RRP1: variants seen among roughly 807,000 people sequenced by gnomAD.
RRP1 encodes ribosomal RNA processing 1, also known as ribosomal RNA processing protein 1 homolog A.
Under a neutral mutation model 54.6 loss-of-function variants are expected in RRP1, and 37 were observed. The ratio of observed to expected loss-of-function variants is 0.68; its 90% CI spans 0.52 to 0.89. The LOEUF (loss-of-function observed/expected upper bound fraction) is 0.89, where lower values mean the gene tolerates loss of function less well. Ranked by LOEUF, RRP1 falls within the 40% of genes least tolerant of loss-of-function variation. The pLI is 0.00. For missense variants in RRP1, 639 were observed against 612.5 expected, an observed-to-expected ratio of 1.04 and a Z score of -0.46; for synonymous variants, 262 against 244.3, an observed-to-expected ratio of 1.07 and a Z score of -0.67.
intron 8 of RRP1, among the ~76,000 whole-genome samples, 170 bp from the exon 9 acceptor site, chr21:43,799,400 C>T (rs1371680125): frequency 1.3e-5 from 2 of 151,976 alleles, no homozygotes; most frequent in Non-Finnish European, 2.9e-5. Flanking sequence ...GGCTTTCCCG[C>T]CTGTGCCCAT....
intron 4 of RRP1, among the ~76,000 whole-genome samples, 178 bp from the exon 5 acceptor site, chr21:43,795,011 G>C (rs1481826617): frequency 1.3e-5 from 2 of 152,254 alleles, no homozygotes; most frequent in African/African-American, 2.4e-5. Context: ...TGAGGGCTTG[G>C]TGGTGTGTCC....
At chr21:43,793,495 AACCTGAGGCAGTGCG>A (rs2084982203) in intron 4 of RRP1, 91 bp downstream of exon 4, 5 of 1,107,926 alleles carry the variant, frequency 4.5e-6, no homozygotes, top group South Asian at 1.3e-5. Context: ...GCAGGGAGGC[AACCTGAGGCAGTGCG>A]ACCCTGAAGC....
chr21:43,800,824 G>A (rs560395660), intron 10 of RRP1, 38 bp from the exon 11 acceptor site: 7 of 1,612,662 alleles, frequency 4.3e-6, no homozygotes, highest in East Asian at 2.2e-5. Flanking sequence ...TGCGGAAGCC[G>A]CAGCTGTGGT....
intron 4 of RRP1, 33 bp downstream of exon 4, chr21:43,793,437 G>T (rs1240728177): frequency 1.3e-6 from 2 of 1,585,974 alleles, no homozygotes. Context: ...GGCGGGCGGG[G>T]GCAGCGCGGG....
At position 43,804,205 on chromosome 21, in the gene RRP1, A is replaced by G. The variant is rs2085121965; in HGVS notation, c.*431A>G. 1 of 164,826 alleles carries G rather than the reference A, an allele frequency of 6.1e-6. No individual in the cohort carries two copies. Among genetic ancestry groups the G allele is most frequent in the African/African-American group, 2.4e-5 (1 of 41,878 alleles). 10.2% of individuals were successfully genotyped at this position (164,826 alleles called of 1,614,324 possible). A position where few individuals can be genotyped will look rare whatever the true frequency, so the allele number is the denominator to read the frequency against. ...ATTCATGTTTGTGGAAAAATCTTGC[A>G]AGACATTTCTCCTTTCACAGAACTG... On this transcript the variant is annotated 3_prime_UTR_variant, in exon 13 of 13. Transcript: ENST00000497547. The surrounding 1 kb of genome is among the most constrained non-coding windows in gnomAD (Gnocchi z 4.3).
chr21:43,802,476 C>G lies in RRP1; in HGVS notation c.1123+89C>G, dbSNP rs776686882. 2.9e-6 allele frequency: 3 copies of G among 1,029,144 alleles called. No homozygotes were observed. The South Asian group carries it at 3.9e-5, about 13-fold the overall frequency. 63.8% of individuals were successfully genotyped at this position (1,029,144 alleles called of 1,614,324 possible). ...TGGGGGTCACCTGCAGTGTCTCCCC[C>G]TGAAGCATGAGTGCCGAGTCCCCCA... On this transcript the variant is annotated intron_variant, in intron 12 of 12. Transcript: ENST00000497547.
Position 43,803,962 on chromosome 21 carries a change from C to T in RRP1, c.*188C>T. The T allele has an allele frequency of 1.5e-6, 1 of 680,668 alleles. No homozygotes were observed. 42.2% of individuals were successfully genotyped at this position (680,668 alleles called of 1,614,324 possible). ...CCAGCATCCCAGGAACTGGACCTTT[C>T]CCCAGAGCCTCCGCCTGTGGCTGTG... On this transcript the variant is annotated 3_prime_UTR_variant, in exon 13 of 13. Coordinates refer to ENST00000497547, the MANE Select transcript of RRP1 (RefSeq NM_003683.6).
intron 1 of RRP1, chr21:43,790,739 C>T (rs761444211): frequency 4.8e-5 from 14 of 290,266 alleles, no homozygotes; most frequent in Non-Finnish European, 6.1e-5. Context: ...TGGCACCGTG[C>T]GGCCAGGCCA....
rs779310859 is a variant in RRP1, at chr21:43,791,303, C to G, written c.134-47C>G. ...TTTCTGTGGCTTCCTTTCTGGCACTCGAAGGTGTGGGATTCATTTGGTCCA... is the reference window on the plus strand; with the variant it reads ...TTTCTGTGGCTTCCTTTCTGGCACTGGAAGGTGTGGGATTCATTTGGTCCA... On this transcript the variant is annotated intron_variant, in intron 1 of 12. Coordinates refer to ENST00000497547, the MANE Select transcript of RRP1 (RefSeq NM_003683.6). The G allele has an allele frequency of 5.0e-6, 8 of 1,592,496 alleles. No homozygotes were observed. In the South Asian group the frequency reaches 5.5e-5, roughly 11 times the overall value.
Position 43,800,499 on chromosome 21 carries a change from G to A in RRP1, c.892-18G>A, listed in dbSNP as rs928563670. Reference sequence around the variant, plus strand: ...GCGTGGCTGACCTTGCCTCTGTGACGTCTCTCTTTTGAAACAGTTTGACTA... The same window carrying A: ...GCGTGGCTGACCTTGCCTCTGTGACATCTCTCTTTTGAAACAGTTTGACTA... On this transcript the variant is annotated intron_variant, in intron 9 of 12. Transcript: ENST00000497547. 1.2e-5 allele frequency: 19 copies of A among 1,613,286 alleles called. No individual in the cohort carries two copies. The highest frequency in any genetic ancestry group is 1.7e-5 in the Admixed American group (1 of 59,994).
intron 7 of RRP1, 80 bp downstream of exon 7, chr21:43,797,775 C>T: frequency 1.3e-6 from 2 of 1,585,126 alleles, no homozygotes; most frequent in South Asian, 1.1e-5. Flanking sequence ...GGTGCTGCTC[C>T]CTCGAGGGAT....
rs768315459 is a variant in RRP1 at position 43,802,315 on chromosome 21, C to T, written c.1051C>T (p.Arg351Cys). 52 of 1,613,724 alleles carry T rather than the reference C, an allele frequency of 3.2e-5. 1 individual carries two copies. Among genetic ancestry groups the T allele is most frequent in the South Asian group, 1.2e-4 (11 of 91,070 alleles). ...EDEIPEKACR[R>C]LLEGRRQKKT... Reference sequence around the variant, plus strand: ...TGAGATCCCAGAGAAGGCCTGCAGGCGCCTGCTTGAAGGGAGGCGGCAGAA... The same window carrying T: ...TGAGATCCCAGAGAAGGCCTGCAGGTGCCTGCTTGAAGGGAGGCGGCAGAA... The change falls in exon 12 of 13, where the codon CGC becomes TGC. Residue 351 changes from arginine (R) to cysteine (C), a missense_variant. By Grantham distance (180) the Arg-to-Cys change is radical. Transcript: ENST00000497547.
Position 43,803,632 on chromosome 21 carries a change from G to C in RRP1, c.1244G>C (p.Arg415Pro). Reference sequence around the variant, plus strand: ...GGTGAGCAGCCAGGCACAGCTGAGCGGGCCCTGCTCCGAGATCAGCCCAGG... The same window carrying C: ...GGTGAGCAGCCAGGCACAGCTGAGCCGGCCCTGCTCCGAGATCAGCCCAGG... ...EAGEQPGTAE[R>P]ALLRDQPRGR... The change falls in exon 13 of 13, where the codon CGG becomes CCG. Residue 415 changes from arginine (R) to proline (P), a missense_variant. Physicochemically the swap from Arg to Pro is moderately radical, Grantham distance 103. Coordinates refer to ENST00000497547, the MANE Select transcript of RRP1 (RefSeq NM_003683.6). The C allele has an allele frequency of 6.4e-7, 1 of 1,551,086 alleles. No homozygotes were observed. Among genetic ancestry groups the C allele is most frequent in the Non-Finnish European group, 8.7e-7 (1 of 1,147,820 alleles).
chr21:43,799,607 G>A lies in RRP1; in HGVS notation c.849G>A (p.Glu283=). 2 of 1,612,326 alleles carry A rather than the reference G, an allele frequency of 1.2e-6. No homozygotes were observed. Among genetic ancestry groups the A allele is most frequent in the Non-Finnish European group, 1.7e-6 (2 of 1,179,864 alleles). The change falls in exon 9 of 13, where the codon GAG becomes GAA. Residue 283 remains glutamate (E), a synonymous_variant. Transcript: ENST00000497547. Reference sequence around the variant, plus strand: ...GGGCTGAACCTGAGGCTGGTGAGGAGCAGGCAGGTGACGACAGGGACAGTG... The same window carrying A: ...GGGCTGAACCTGAGGCTGGTGAGGAACAGGCAGGTGACGACAGGGACAGTG... ...ICRAEPEAGE[E]QAGDDRDSGG...
rs1334350251 is a variant in RRP1, at chr21:43,805,064, G to A, written c.*1290G>A. 1 of 152,252 alleles carries A rather than the reference G, an allele frequency of 6.6e-6. No individual in the cohort carries two copies. The highest frequency in any genetic ancestry group is 1.5e-5 in the Non-Finnish European group (1 of 68,134). The allele number at this position is 152,252 out of a possible 1,614,324, so 9.4% of individuals were successfully genotyped here. ...AGGCCGAGGTGGCCAGATCACCTGA[G>A]GTCAGGAGTTTGAGACCAGACTGAC... On this transcript the variant is annotated 3_prime_UTR_variant, in exon 13 of 13. Coordinates refer to ENST00000497547, the MANE Select transcript of RRP1 (RefSeq NM_003683.6).
At chr21:43,800,717 C>T in intron 10 of RRP1, 103 bp downstream of exon 10, 1 of 1,507,500 alleles carries the variant, frequency 6.6e-7, no homozygotes, top group South Asian at 1.1e-5. Context: ...TCCGCAGCCC[C>T]CGGGGTGATC....
In RRP1 at chr21:43,802,942, G is replaced by C. The variant is rs369153087; in HGVS notation, c.1123+555G>C. 4.6e-5 allele frequency among the ~76,000 whole-genome samples: 7 copies of C among 152,360 alleles called. No individual in the cohort carries two copies. The East Asian group carries it at 1.4e-3, about 29-fold the overall frequency. On this transcript the variant is annotated intron_variant, in intron 12 of 12. Transcript: ENST00000497547. The stretch of plus-strand genomic sequence containing the variant: ...TGCAGTGGAGGGGGTTGAGCACAGT[G>C]CCGGGCAGGGCAGGGGGCCCATGGC...
At chr21:43,803,012 T>G (rs190530856) in intron 12 of RRP1, among the ~76,000 whole-genome samples, 7 of 152,240 alleles carry the variant, frequency 4.6e-5, no homozygotes, top group African/African-American at 1.2e-4. Context: ...TGCCCCACAC[T>G]GGGAAGCCTT....
intron 1 of RRP1, 111 bp from the exon 2 acceptor site, chr21:43,791,239 T>A: frequency 8.9e-7 from 1 of 1,125,446 alleles, no homozygotes. Context: ...CAGTTGCCTT[T>A]ACCGTAAGTG....
Sources: allele counts gnomAD v4.1 joint callset (sites outside exome capture counted in the v4.1 genomes callset), GRCh38; gene constraint gnomAD v4.1.1; non-coding constraint Gnocchi (gnomAD v3.1); transcripts MANE v1.5; gene names NCBI Gene and HGNC (gene_info 2026-07-23, HGNC 2026-07-21).